The following DMD variants were observed in gnomAD, a reference collection of about 807,000 sequenced individuals.
DMD encodes dystrophin, also known as mutant dystrophin.
A neutral mutation model predicts 330.1 loss-of-function variants in DMD; 63 were observed. The ratio of observed to expected loss-of-function variants is 0.19; its 90% CI spans 0.16 to 0.24. The LOEUF (loss-of-function observed/expected upper bound fraction) is 0.24. DMD is among the 10% of genes least tolerant of loss of function. DMD has a pLI of 1.00. For missense variants in DMD, 3,344 were observed against 2,684.1 expected (o/e 1.25, Z -5.43); for synonymous variants, 1,223 against 959.8 (o/e 1.27, Z -5.07).
chrX:31,837,494 C>T (rs2093227864), intron 48 of DMD, among the ~76,000 whole-genome samples: 1 of 111,691 alleles, frequency 9.0e-6, no homozygotes, highest in African/African-American at 3.3e-5. Context: ...CTTGATGAGA[C>T]GACAAAAGAA....
chrX:31,797,353 A>G (rs1294439097), intron 50 of DMD, among the ~76,000 whole-genome samples: 1 of 111,065 alleles, frequency 9.0e-6, no homozygotes, highest in East Asian at 2.9e-4. Flanking sequence ...GCAATCTCAG[A>G]AACTAACACA....
chrX:32,706,365 C>T (rs1426045376), intron 7 of DMD, among the ~76,000 whole-genome samples: 2 of 104,667 alleles, frequency 1.9e-5, no homozygotes, highest in Non-Finnish European at 3.8e-5. Context: ...CACATGTACC[C>T]TAAAACTTAA....
At position 32,364,589 on chromosome X, in the gene DMD, A is replaced by C; in HGVS notation, c.5147T>G (p.Val1716Gly). ...TCATATTTTATTTGCTACCTTAAGC[A>C]CGTCTTCTTTTTGCTGGGGTTTCTT... ...EKKKPQQKED[V>G]LKRLKAELND... Residue 1716 changes from valine (V) to glycine (G), a missense_variant, in exon 36 of 79, where the codon GTG becomes GGG. Transcript: ENST00000357033. 2 of 1,211,079 alleles carry C rather than the reference A, an allele frequency of 1.7e-6. No homozygotes were observed. Among genetic ancestry groups the C allele is most frequent in the South Asian group, 3.5e-5 (2 of 57,020 alleles).
At chrX:32,441,694 A>G (rs757000262) in intron 27 of DMD, among the ~76,000 whole-genome samples, 1 of 111,715 alleles carries the variant, frequency 9.0e-6, no homozygotes, top group South Asian at 3.6e-4. Context: ...GAAATTTATC[A>G]TATATAATTT....
At chrX:32,658,571 A>G (rs1724486783) in intron 9 of DMD, among the ~76,000 whole-genome samples, 1 of 111,355 alleles carries the variant, frequency 9.0e-6, no homozygotes, top group Non-Finnish European at 1.9e-5. Context: ...CTATCTCCTG[A>G]TGATGAAATT....
Position 31,228,964 on chromosome X carries a change from T to C in DMD, c.9287-5843A>G, listed in dbSNP as rs778293369. Among the ~76,000 whole-genome samples the C allele has an allele frequency of 3.6e-5, 4 of 112,673 alleles. No homozygotes were observed. The East Asian group carries it at 1.1e-3, about 31-fold the overall frequency. The stretch of plus-strand genomic sequence containing the variant: ...CATCAAACCACCTACCTTCTCAAGT[T>C]GAATTTCCAACTACTGAAGTGATAG... On this transcript the variant is annotated intron_variant, in intron 63 of 78. Transcript: ENST00000357033.
At position 31,209,710 on chromosome X, in the gene DMD, C is replaced by T; in HGVS notation, c.9362-11G>A. On this transcript the variant is annotated splice_polypyrimidine_tract_variant and intron_variant, in intron 64 of 78. Transcript: ENST00000357033. ...GGCTCAAGAGATCCACTGCAAAAAA[C>T]AAATAAAATCACAAATGACTCAAAG... 8.3e-7 allele frequency: 1 copy of T among 1,202,748 alleles called. No homozygotes were observed. Among genetic ancestry groups the T allele is most frequent in the Non-Finnish European group, 1.1e-6 (1 of 888,497 alleles).
intron 1 of DMD, among the ~76,000 whole-genome samples, chrX:33,308,380 C>T (rs2053795902): frequency 8.9e-6 from 1 of 112,192 alleles, no homozygotes; most frequent in Admixed American, 9.5e-5. Flanking sequence ...ATAAATAATT[C>T]TTCCTTTTAA....
At chrX:32,947,174 A>G (rs1166213307) in intron 2 of DMD, among the ~76,000 whole-genome samples, 2 of 112,046 alleles carry the variant, frequency 1.8e-5, no homozygotes, top group African/African-American at 6.5e-5. Context: ...ACCAATACTT[A>G]TGAGGGAGGA....
At chrX:31,483,689 G>A (rs2068562186) in intron 57 of DMD, among the ~76,000 whole-genome samples, 1 of 112,024 alleles carries the variant, frequency 8.9e-6, no homozygotes, top group Non-Finnish European at 1.9e-5. Flanking sequence ...ATGGAAGAGA[G>A]GGTTAAGTGA....
intron 44 of DMD, among the ~76,000 whole-genome samples, chrX:32,006,735 A>G (rs1295103426): frequency 2.7e-5 from 3 of 110,597 alleles, no homozygotes; most frequent in African/African-American, 6.6e-5. Flanking sequence ...TGACATCACC[A>G]TGAATTTAGG....
chrX:33,195,836 A>G (rs1259095258), intron 1 of DMD, among the ~76,000 whole-genome samples: 1 of 109,843 alleles, frequency 9.1e-6, no homozygotes, highest in Non-Finnish European at 1.9e-5. Context: ...TCAAATATGT[A>G]TACAGTGATG....
chrX:32,678,158 GAATA>G (rs956589021), intron 9 of DMD, among the ~76,000 whole-genome samples: 17 of 111,850 alleles, frequency 1.5e-4, no homozygotes, highest in Non-Finnish European at 2.8e-4. Flanking sequence ...CATGCAAGAT[GAATA>G]AATTCTAAAG....
chrX:31,134,298 G>T, intron 76 of DMD, 104 bp from the exon 77 acceptor site: 1 of 641,709 alleles, frequency 1.6e-6, no homozygotes, highest in Non-Finnish European at 2.4e-6. Context: ...CATTTCACTT[G>T]CTCATAAATA....
chrX:32,098,773 C>A (rs747922393), intron 44 of DMD, among the ~76,000 whole-genome samples: 1 of 112,061 alleles, frequency 8.9e-6, no homozygotes, highest in Non-Finnish European at 1.9e-5. Flanking sequence ...AACAAAATCA[C>A]CTGATTAATG....
intron 30 of DMD, among the ~76,000 whole-genome samples, chrX:32,409,844 T>G (rs1222825625): frequency 6.3e-5 from 7 of 111,502 alleles, no homozygotes; most frequent in Non-Finnish European, 5.7e-5. Flanking sequence ...GTAGTTCTTC[T>G]CAATTCAGAA....
chrX:32,877,991 C>T (rs1022415874), intron 2 of DMD, among the ~76,000 whole-genome samples: 2 of 112,295 alleles, frequency 1.8e-5, no homozygotes, highest in Admixed American at 9.5e-5. Context: ...CATGCAAATT[C>T]TCCTCTCCAC....
At chrX:33,019,491 T>C (rs16990835) in intron 2 of DMD, among the ~76,000 whole-genome samples, 7,123 of 111,313 alleles carry the variant, frequency 0.064, 582 homozygotes, top group African/African-American at 0.22. Context: ...TCTTTTAAAC[T>C]TTGACATCCC....
chrX:32,032,598 A>G (rs1018161061), intron 44 of DMD, among the ~76,000 whole-genome samples: 23 of 111,764 alleles, frequency 2.1e-4, no homozygotes, highest in African/African-American at 7.2e-4. Flanking sequence ...AATTTAGGCC[A>G]TCTACACATA....
Sources: gnomAD v4.1 joint callset for allele counts (sites outside exome capture counted in the v4.1 genomes callset) on GRCh38, gnomAD v4.1.1 for gene constraint, MANE v1.5 for transcripts, NCBI Gene and HGNC (gene_info 2026-07-23, HGNC 2026-07-21) for gene names.